AKR1B1: variants seen among roughly 807,000 people sequenced by gnomAD.
The protein encoded by AKR1B1 is aldo-keto reductase family 1 member B.
Under a neutral mutation model 40.4 loss-of-function variants are expected in AKR1B1, and 22 were observed. The ratio of observed to expected loss-of-function variants is 0.54; its 90% CI spans 0.39 to 0.78. The LOEUF (loss-of-function observed/expected upper bound fraction) is 0.78. Among genes scored for constraint, AKR1B1 ranks in the 30% least tolerant of loss-of-function variants. The pLI, the probability that AKR1B1 is intolerant of heterozygous loss-of-function variation, is 0.00. For missense variants in AKR1B1, 357 were observed against 396.7 expected, an observed-to-expected ratio of 0.90 and a Z score of 0.85; for synonymous variants, 157 against 149.9, an observed-to-expected ratio of 1.05 and a Z score of -0.35.
intron 1 of AKR1B1, among the ~76,000 whole-genome samples, chr7:134,457,631 T>A (rs1045801308): frequency 6.6e-6 from 1 of 152,216 alleles, no homozygotes; most frequent in Admixed American, 6.5e-5. Flanking sequence ...ATCTCACAGT[T>A]CACTCAGTTC....
intron 1 of AKR1B1, among the ~76,000 whole-genome samples, chr7:134,453,136 C>A (rs1790999): frequency 0.15 from 22,112 of 152,158 alleles, 3,618 homozygotes; most frequent in African/African-American, 0.4. Context: ...ATCCCTACCC[C>A]AGAAAGAACA....
intron 1 of AKR1B1, among the ~76,000 whole-genome samples, chr7:134,458,683 A>G (rs1002782731): frequency 6.6e-6 from 1 of 152,144 alleles, no homozygotes; most frequent in African/African-American, 2.4e-5. Context: ...GGCGCCCGCT[A>G]GGACCCAAAA....
At chr7:134,449,332 A>C in intron 4 of AKR1B1, 1 of 638,702 alleles carries the variant, frequency 1.6e-6, no homozygotes. Flanking sequence ...CACGCCTGTA[A>C]TCCCAGCACT....
chr7:134,456,611 C>T (rs1806482218), intron 1 of AKR1B1, among the ~76,000 whole-genome samples: 3 of 152,120 alleles, frequency 2.0e-5, no homozygotes, highest in African/African-American at 7.2e-5. Context: ...CAATTCTACA[C>T]CAACCTGATC....
chr7:134,445,285 G>A lies in AKR1B1; in HGVS notation c.861C>T (p.Thr287=). The change falls in exon 9 of 10, where the codon ACC becomes ACT. Residue 287 remains threonine (T), a synonymous_variant. Transcript: ENST00000285930. ...FDFELSSQDM[T]TLLSYNRNWR... ...AGTTCCTGTTGTAGCTGAGTAAGGTGGTCATATCCTGGCTGCTCAGTTCAA... is the reference window on the plus strand; with the variant it reads ...AGTTCCTGTTGTAGCTGAGTAAGGTAGTCATATCCTGGCTGCTCAGTTCAA... 2 of 1,613,136 alleles carry A rather than the reference G, an allele frequency of 1.2e-6. No individual in the cohort carries two copies. The highest frequency in any genetic ancestry group is 1.3e-5 in the African/African-American group (1 of 74,980).
Position 134,449,714 on chromosome 7 carries a change from T to C in AKR1B1, c.429+6A>G, listed in dbSNP as rs150113325. ...GAAAACAAGGTCCAACCAGGGGCTG[T>C]CTTACCGCCCACGTGTCCAGAATGT... On this transcript the variant is annotated splice_donor_region_variant and intron_variant, in intron 4 of 9. Coordinates refer to ENST00000285930, the MANE Select transcript of AKR1B1 (RefSeq NM_001628.4). 7,808 of 1,613,394 alleles carry C rather than the reference T, an allele frequency of 4.8e-3. 73 individuals are homozygous for C. Among genetic ancestry groups the C allele is most frequent in the Admixed American group, 0.016 (945 of 60,004 alleles).
In AKR1B1 at chr7:134,447,999, T is replaced by C. The variant is rs753491056; in HGVS notation, c.722A>G (p.His241Arg). ...DPRIKAIAAKHNKTTAQVLIR... is the reference protein window; with the variant it reads ...DPRIKAIAAKRNKTTAQVLIR... ...CTGTACCTGGGCTGTAGTTTTATTG[T>C]GCTTGGCTGCGATCGCCTTGATCCT... The change falls in exon 7 of 10, where the codon CAC becomes CGC. Residue 241 changes from histidine to arginine, a missense_variant. By Grantham distance (29) the His-to-Arg change is conservative (BLOSUM62 0). Coordinates refer to ENST00000285930, the MANE Select transcript of AKR1B1 (RefSeq NM_001628.4). 78 of 1,613,030 alleles carry C rather than the reference T, an allele frequency of 4.8e-5. No homozygotes were observed. Among genetic ancestry groups the C allele is most frequent in the Non-Finnish European group, 6.4e-5 (75 of 1,179,774 alleles).
chr7:134,447,330 C>T lies in AKR1B1; in HGVS notation c.793G>A (p.Val265Met). 1 of 1,614,172 alleles carries T rather than the reference C, an allele frequency of 6.2e-7. No homozygotes were observed. The highest frequency in any genetic ancestry group is 8.5e-7 in the Non-Finnish European group (1 of 1,180,028). Residue 265 changes from valine to methionine, a missense_variant, in exon 8 of 10, where the codon GTG (valine) becomes ATG (methionine). Transcript: ENST00000285930. ...TTCTCAGCAATGCGTTCTGGTGTCA[C>T]AGACTTGGGGATCACCACCAAGTTC... is the stretch of plus-strand genomic sequence containing the variant. ...QRNLVVIPKS[V>M]TPERIAENFK...
intron 1 of AKR1B1, among the ~76,000 whole-genome samples, chr7:134,455,223 C>T (rs1463734758): frequency 6.6e-6 from 1 of 152,148 alleles, no homozygotes; most frequent in Non-Finnish European, 1.5e-5. Context: ...AAAAAAACCC[C>T]CCTCAGCTTA....
rs778492841 is a variant in AKR1B1 at position 134,449,018 on chromosome 7, C to T, written c.531G>A (p.Lys177=). The T allele has an allele frequency of 1.2e-6, 2 of 1,614,110 alleles. No homozygotes were observed. The highest frequency in any genetic ancestry group is 4.5e-5 in the East Asian group (2 of 44,872). ...TTACCTGGTTAACTGCAGGCTTATACTTCAAGCCAGGTTTGTTTAAGATCA... is the reference window on the plus strand; with the variant it reads ...TTACCTGGTTAACTGCAGGCTTATATTTCAAGCCAGGTTTGTTTAAGATCA... The part of the protein sequence containing the change: ...VEMILNKPGL[K]YKPAVNQIEC... Residue 177 remains lysine, a synonymous_variant, in exon 5 of 10, where the codon AAG becomes AAA. Coordinates refer to ENST00000285930, the MANE Select transcript of AKR1B1 (RefSeq NM_001628.4).
intron 1 of AKR1B1, among the ~76,000 whole-genome samples, 175 bp downstream of exon 1, chr7:134,458,822 G>A (rs952602684): frequency 6.6e-6 from 1 of 152,112 alleles, no homozygotes; most frequent in Non-Finnish European, 1.5e-5. Context: ...CAAGGCCCCC[G>A]GTCTCTGCAA....
At chr7:134,457,763 G>C (rs1166650418) in intron 1 of AKR1B1, among the ~76,000 whole-genome samples, 8 of 152,296 alleles carry the variant, frequency 5.3e-5, no homozygotes, top group African/African-American at 1.9e-4. Flanking sequence ...AGCTTTGGGA[G>C]GCGAGGTGGG....
chr7:134,456,331 C>G (rs1469425600), intron 1 of AKR1B1, among the ~76,000 whole-genome samples: 1 of 152,044 alleles, frequency 6.6e-6, no homozygotes, highest in Non-Finnish European at 1.5e-5. Flanking sequence ...TCCCAAGTAG[C>G]TGGGACTACA....
chr7:134,442,752 A>T lies in AKR1B1; in HGVS notation c.927T>A (p.Asp309Glu). The T allele has an allele frequency of 6.2e-7, 1 of 1,614,170 alleles. No homozygotes were observed. Among genetic ancestry groups the T allele is most frequent in the Non-Finnish European group, 8.5e-7 (1 of 1,179,980 alleles). Residue 309 changes from aspartate to glutamate, a missense_variant, in exon 10 of 10, where the codon GAT (aspartate) becomes GAA (glutamate). Physicochemically the swap from Asp to Glu is conservative, Grantham distance 45 (BLOSUM62 2). Transcript: ENST00000285930. ...CALLSCTSHK[D>E]YPFHEEF is the part of the protein sequence containing the mutation. ...TTCAAAACTCTTCATGGAAGGGGTA[A>T]TCCTTGTGGGAGGTACAGCTGTCAG...
At chr7:134,456,940 A>G (rs901031813) in intron 1 of AKR1B1, among the ~76,000 whole-genome samples, 2 of 152,148 alleles carry the variant, frequency 1.3e-5, no homozygotes, top group African/African-American at 4.8e-5. Flanking sequence ...TTTACTCCTC[A>G]GCCTGGACAA....
intron 9 of AKR1B1, among the ~76,000 whole-genome samples, chr7:134,443,271 G>A (rs1025995341): frequency 6.6e-6 from 1 of 152,148 alleles, no homozygotes; most frequent in African/African-American, 2.4e-5. Flanking sequence ...AAATTAACCA[G>A]GCATGGTGGT....
At chr7:134,457,355 T>G (rs957760133) in intron 1 of AKR1B1, among the ~76,000 whole-genome samples, 1 of 152,194 alleles carries the variant, frequency 6.6e-6, no homozygotes, top group African/African-American at 2.4e-5. Flanking sequence ...TAGAAAGTAT[T>G]TGCTATTGCC....
At chr7:134,448,269 T>C in intron 6 of AKR1B1, 118 bp downstream of exon 6, 3 of 1,010,442 alleles carry the variant, frequency 3.0e-6, no homozygotes, top group Non-Finnish European at 4.6e-6. Context: ...AGCAAGAGGC[T>C]CAGGGGAAGT....
intron 1 of AKR1B1, among the ~76,000 whole-genome samples, chr7:134,454,004 G>A (rs1201272757): frequency 6.6e-6 from 1 of 152,146 alleles, no homozygotes; most frequent in Non-Finnish European, 1.5e-5. Flanking sequence ...AACAGAAGGA[G>A]GGGTCCAGAT....
Sources: gnomAD v4.1 joint callset for allele counts (sites outside exome capture counted in the v4.1 genomes callset) on GRCh38, gnomAD v4.1.1 for gene constraint, MANE v1.5 for transcripts, NCBI Gene and HGNC (gene_info 2026-07-23, HGNC 2026-07-21) for gene names.